The following EBF2 variants were observed in gnomAD, a reference collection of about 807,000 sequenced individuals.
The protein encoded by EBF2 is EBF transcription factor 2.
EBF2 carries 21 observed loss-of-function variants against 72.8 expected under a neutral mutation model. The ratio of observed to expected loss-of-function variants is 0.29; its 90% CI spans 0.20 to 0.42. The LOEUF (loss-of-function observed/expected upper bound fraction) is 0.42. EBF2 is among the 10% of genes least tolerant of loss of function. The pLI, the probability that EBF2 is intolerant of heterozygous loss-of-function variation, is 1.00. For synonymous variants in EBF2, 299 were observed against 274.2 expected, an observed-to-expected ratio of 1.09 and a Z score of -0.89; for missense variants, 637 against 731.2, an observed-to-expected ratio of 0.87 and a Z score of 1.49.
At chr8:25,902,618 A>G (rs1375730412) in intron 7 of EBF2, among the ~76,000 whole-genome samples, 6 of 152,200 alleles carry the variant, frequency 3.9e-5, no homozygotes, top group African/African-American at 1.2e-4. Context: ...TAAATAAAAC[A>G]TATCGATTGC....
intron 14 of EBF2, among the ~76,000 whole-genome samples, chr8:25,854,772 GTAA>G (rs1427580819): frequency 5.3e-5 from 8 of 151,954 alleles, no homozygotes; most frequent in South Asian, 2.1e-4. Flanking sequence ...TACATTTTCT[GTAA>G]TAATAATTTA....
At chr8:25,998,988 A>G (rs554383888) in intron 6 of EBF2, among the ~76,000 whole-genome samples, 3 of 152,314 alleles carry the variant, frequency 2.0e-5, no homozygotes, top group Admixed American at 2.0e-4. Flanking sequence ...CTTTTCAAGA[A>G]AAGGAAAAGA....
At chr8:26,030,952 T>C (rs1300372525) in intron 6 of EBF2, among the ~76,000 whole-genome samples, 2 of 152,208 alleles carry the variant, frequency 1.3e-5, no homozygotes, top group African/African-American at 2.4e-5. Flanking sequence ...GTGTGTTACA[T>C]AGGAAGAAAA....
chr8:26,019,543 A>G (rs994524310), intron 6 of EBF2, among the ~76,000 whole-genome samples: 1 of 152,200 alleles, frequency 6.6e-6, no homozygotes, highest in Non-Finnish European at 1.5e-5. Flanking sequence ...CCAACAGATC[A>G]TTGGCCCCAG....
intron 6 of EBF2, among the ~76,000 whole-genome samples, chr8:25,924,263 A>G (rs1324703858): frequency 1.3e-5 from 2 of 152,336 alleles, no homozygotes; most frequent in East Asian, 1.9e-4. Flanking sequence ...AACACCTTTT[A>G]GAACTTTCTT....
chr8:26,008,035 T>A (rs1300270912), intron 6 of EBF2, among the ~76,000 whole-genome samples: 2 of 152,144 alleles, frequency 1.3e-5, no homozygotes, highest in African/African-American at 4.8e-5. Flanking sequence ...TTGAATCCAC[T>A]TGGGAGACTC....
chr8:26,006,604 G>A (rs564561015), intron 6 of EBF2, among the ~76,000 whole-genome samples: 12 of 152,182 alleles, frequency 7.9e-5, no homozygotes, highest in East Asian at 1.9e-4. Flanking sequence ...AAACTATGTC[G>A]TCCAATTAAT....
intron 6 of EBF2, among the ~76,000 whole-genome samples, chr8:25,913,389 C>T (rs1472542779): frequency 4.0e-5 from 6 of 151,796 alleles, no homozygotes; most frequent in Admixed American, 6.6e-5. Flanking sequence ...TGCAGTGAGC[C>T]GAGATCACGC....
chr8:26,040,579 A>AGACAGGC (rs1359482517), intron 4 of EBF2, 37 bp downstream of exon 4: 1 of 1,546,954 alleles, frequency 6.5e-7, no homozygotes, highest in Non-Finnish European at 8.7e-7. Context: ...TCGGGGTCAG[A>AGACAGGC]GACAGGCGAA....
intron 5 of EBF2, among the ~76,000 whole-genome samples, chr8:26,037,751 T>C (rs748291806): frequency 6.6e-6 from 1 of 152,190 alleles, no homozygotes; most frequent in African/African-American, 2.4e-5. Flanking sequence ...AGATTTCTCC[T>C]TGCTAATAAT....
chr8:25,988,201 G>A (rs1414402174), intron 6 of EBF2, among the ~76,000 whole-genome samples: 1 of 152,092 alleles, frequency 6.6e-6, no homozygotes, highest in Non-Finnish European at 1.5e-5. Flanking sequence ...ACACAGTTCT[G>A]AGAGCCCTGG....
chr8:25,891,684 TCTC>T (rs1463462568), intron 7 of EBF2, among the ~76,000 whole-genome samples: 1 of 151,862 alleles, frequency 6.6e-6, no homozygotes, highest in African/African-American at 2.4e-5. Context: ...TTAAAACAAT[TCTC>T]CTGCCTCAGC....
chr8:26,044,642 GGCACGGGGT>G lies in EBF2; in HGVS notation c.131+78_131+86del. On this transcript the variant is annotated intron_variant, in intron 1 of 15. Coordinates refer to ENST00000520164, the MANE Select transcript of EBF2 (RefSeq NM_022659.4). The surrounding 1 kb of genome is among the most constrained non-coding windows in gnomAD (Gnocchi z 4.1). ...AGATGGGGGGACAGGGAGAGAGAAAGGCACGGGGTGCGCGGGGGGGGTGCACACGGAGAG... is the reference window on the plus strand; with the variant it reads ...AGATGGGGGGACAGGGAGAGAGAAAGGCGCGGGGGGGGTGCACACGGAGAG... 7 of 1,527,482 alleles carry G rather than the reference GGCACGGGGT, an allele frequency of 4.6e-6. No individual in the cohort carries two copies. Among genetic ancestry groups the G allele is most frequent in the Non-Finnish European group, 6.2e-6 (7 of 1,133,946 alleles). The allele number at this position is 1,527,482 out of a possible 1,614,324, so 94.6% of individuals were successfully genotyped here. A position where few individuals can be genotyped will look rare whatever the true frequency, so the allele number is the denominator to read the frequency against.
chr8:26,027,207 A>G (rs1489860343), intron 6 of EBF2, among the ~76,000 whole-genome samples: 1 of 152,194 alleles, frequency 6.6e-6, no homozygotes, highest in Non-Finnish European at 1.5e-5. Flanking sequence ...TTTCCGTCCC[A>G]CAAATCGCAC....
chr8:25,942,407 T>C (rs1563408360), intron 6 of EBF2, among the ~76,000 whole-genome samples: 1 of 152,234 alleles, frequency 6.6e-6, no homozygotes, highest in African/African-American at 2.4e-5. Flanking sequence ...GGAACTACAT[T>C]GTTTTCCTTC....
intron 6 of EBF2, among the ~76,000 whole-genome samples, chr8:26,005,651 G>A (rs1804867261): frequency 7.3e-6 from 1 of 136,226 alleles, no homozygotes. Context: ...GCAACATAGT[G>A]AGACTCTGTC....
chr8:26,015,311 A>G (rs1805090956), intron 6 of EBF2, among the ~76,000 whole-genome samples: 2 of 152,224 alleles, frequency 1.3e-5, no homozygotes, highest in African/African-American at 4.8e-5. Flanking sequence ...ACGAGTTCAT[A>G]GACACACAAA....
chr8:25,976,044 C>T (rs1454450774), intron 6 of EBF2, among the ~76,000 whole-genome samples: 1 of 152,122 alleles, frequency 6.6e-6, no homozygotes, highest in African/African-American at 2.4e-5. Context: ...TCTGTAGAGT[C>T]AGATTTACTC....
chr8:25,846,954 A>ATG (rs987503231), intron 15 of EBF2, among the ~76,000 whole-genome samples: 3 of 152,128 alleles, frequency 2.0e-5, no homozygotes, highest in African/African-American at 7.2e-5. Flanking sequence ...GAAAGTAGGT[A>ATG]TGGGGGTAGG....
Sources: allele counts gnomAD v4.1 joint callset (sites outside exome capture counted in the v4.1 genomes callset), GRCh38; gene constraint gnomAD v4.1.1; non-coding constraint Gnocchi (gnomAD v3.1); transcripts MANE v1.5; gene names NCBI Gene and HGNC (gene_info 2026-07-23, HGNC 2026-07-21).